Variants in MDGA2 observed in about 807,000 individuals in gnomAD.
The protein encoded by MDGA2 is MAM domain-containing glycosylphosphatidylinositol anchor protein 2.
In MDGA2, 40 loss-of-function variants were observed where a neutral mutation model predicts 117.8. The observed-to-expected ratio is 0.34, with a 90% CI of 0.26 to 0.44. The LOEUF (loss-of-function observed/expected upper bound fraction) is 0.44. MDGA2 is among the 20% of genes least tolerant of loss of function. MDGA2 has a pLI of 1.00. For synonymous variants in MDGA2, 452 were observed against 439.0 expected, an observed-to-expected ratio of 1.03 and a Z score of -0.37; for missense variants, 1,123 against 1,250.6, an observed-to-expected ratio of 0.90 and a Z score of 1.54.
chr14:46,891,798 G>T (rs1223418232), intron 10 of MDGA2, among the ~76,000 whole-genome samples: 1 of 150,726 alleles, frequency 6.6e-6, no homozygotes, highest in Admixed American at 6.6e-5. Context: ...CTTATTATTG[G>T]ATTTTTTTAA....
Position 47,096,955 on chromosome 14 carries a change from G to A in MDGA2, c.1094C>T (p.Thr365Ile), listed in dbSNP as rs1335759157. The A allele has an allele frequency of 1.9e-6, 3 of 1,613,144 alleles. No homozygotes were observed. The highest frequency in any genetic ancestry group is 2.5e-6 in the Non-Finnish European group (3 of 1,179,484). ...EKTVLNGGTL[T>I]IPAITSDDAG... ...ATCATCTGAGGTGATGGCAGGTATGGTCAAAGTTCCTCCATTCAAAACAGT... is the reference window on the plus strand; with the variant it reads ...ATCATCTGAGGTGATGGCAGGTATGATCAAAGTTCCTCCATTCAAAACAGT... The change falls in exon 6 of 17, where the codon ACC becomes ATC. Residue 365 changes from threonine to isoleucine, a missense_variant. By Grantham distance (89) the Thr-to-Ile change is moderately conservative. This residue lies in a region of MDGA2 where 890 missense variants were observed against 1,050.3 expected (regional missense o/e 0.85). Transcript: ENST00000399232.
chr14:46,943,988 ATAGATGTTTAT>A lies in MDGA2; in HGVS notation c.2089+13375_2089+13385del, dbSNP rs1885084501. On this transcript the variant is annotated intron_variant, in intron 9 of 16. Coordinates refer to ENST00000399232, the MANE Select transcript of MDGA2 (RefSeq NM_001113498.3). ...GCTGCTATTTGTTGACCCCATTTATATAGATGTTTATTAGGGAAATTGAAAGATAAAAGAAA... is the reference window on the plus strand; with the variant it reads ...GCTGCTATTTGTTGACCCCATTTATATAGGGAAATTGAAAGATAAAAGAAA... Among the ~76,000 whole-genome samples, 3 of 152,206 alleles carry A rather than the reference ATAGATGTTTAT, an allele frequency of 2.0e-5. No individual in the cohort carries two copies. In the South Asian group the frequency reaches 6.2e-4, roughly 31 times the overall value.
intron 1 of MDGA2, among the ~76,000 whole-genome samples, chr14:47,317,748 C>T (rs1594792260): frequency 6.6e-6 from 1 of 152,128 alleles, no homozygotes; most frequent in East Asian, 1.9e-4. Flanking sequence ...CCATTCTTAC[C>T]TGGAGAACAC....
chr14:46,950,427 G>A (rs1436591261), intron 9 of MDGA2, among the ~76,000 whole-genome samples: 1 of 151,948 alleles, frequency 6.6e-6, no homozygotes, highest in East Asian at 1.9e-4. Context: ...GAGATGATAA[G>A]GATATGTATG....
rs117008451 is a variant in MDGA2 at position 47,410,363 on chromosome 14, A to G, written c.281-108813T>C. Among the ~76,000 whole-genome samples the G allele has an allele frequency of 3.6e-4, 55 of 152,296 alleles. No individual in the cohort carries two copies. In the South Asian group the frequency reaches 6.4e-3, roughly 18 times the overall value. The stretch of plus-strand genomic sequence containing the variant: ...AAGCATGTTAAAAGTCATCTAAGGA[A>G]ACCAAGAAATCATTTATATCCTTTC... On this transcript the variant is annotated intron_variant, in intron 1 of 16. Coordinates refer to ENST00000399232, the MANE Select transcript of MDGA2 (RefSeq NM_001113498.3).
At chr14:46,966,625 T>C (rs1298954680) in intron 8 of MDGA2, among the ~76,000 whole-genome samples, 3 of 152,166 alleles carry the variant, frequency 2.0e-5, no homozygotes, top group African/African-American at 7.2e-5. Context: ...GTATTACCCA[T>C]ATATTATAAT....
Position 47,365,256 on chromosome 14 carries a change from C to T in MDGA2, c.281-63706G>A, listed in dbSNP as rs148656336. The stretch of plus-strand genomic sequence containing the variant: ...GAAGGAAGACATGCCTTTCTGAGCA[C>T]AGCTGGAAAATGTGCATCTTGGGGG... On this transcript the variant is annotated intron_variant, in intron 1 of 16. Coordinates refer to ENST00000399232, the MANE Select transcript of MDGA2 (RefSeq NM_001113498.3). Among the ~76,000 whole-genome samples the T allele has an allele frequency of 8.6e-3, 1,309 of 152,342 alleles. 13 individuals carry two copies. The highest frequency in any genetic ancestry group is 0.029 in the African/African-American group (1,226 of 41,582).
chr14:46,907,626 C>A (rs28713560), intron 10 of MDGA2, among the ~76,000 whole-genome samples: 1 of 152,030 alleles, frequency 6.6e-6, no homozygotes, highest in African/African-American at 2.4e-5. Flanking sequence ...ATGTGTTGCT[C>A]TCATTTCTTA....
chr14:47,023,205 A>AAAAAAAG (rs1888354242), intron 8 of MDGA2, among the ~76,000 whole-genome samples: 1 of 146,440 alleles, frequency 6.8e-6, no homozygotes, highest in Non-Finnish European at 1.5e-5. Context: ...TCGTAAAAAA[A>AAAAAAAG]AAAAAAAAAA....
At chr14:47,356,761 C>T (rs75800275) in intron 1 of MDGA2, among the ~76,000 whole-genome samples, 138 of 152,230 alleles carry the variant, frequency 9.1e-4, no homozygotes, top group African/African-American at 3.2e-3. Context: ...AAGAAGGTAA[C>T]GGAGGCAAGT....
intron 15 of MDGA2, among the ~76,000 whole-genome samples, chr14:46,847,956 A>T (rs1880907736): frequency 6.6e-6 from 1 of 151,986 alleles, no homozygotes; most frequent in South Asian, 2.1e-4. Context: ...TGTGTCCCTT[A>T]CCTGATAGAG....
At chr14:47,611,542 C>T (rs140542118) in intron 1 of MDGA2, among the ~76,000 whole-genome samples, 1 of 152,056 alleles carries the variant, frequency 6.6e-6, no homozygotes, top group East Asian at 1.9e-4. Flanking sequence ...GAAAAGTTGG[C>T]TAAGGACAAG....
At chr14:47,413,350 T>C (rs1289628160) in intron 1 of MDGA2, among the ~76,000 whole-genome samples, 1 of 152,202 alleles carries the variant, frequency 6.6e-6, no homozygotes, top group Non-Finnish European at 1.5e-5. Context: ...CTCTATTCTA[T>C]GTCTCATGCA....
chr14:47,575,362 T>C (rs541879198), intron 1 of MDGA2, among the ~76,000 whole-genome samples: 37 of 152,264 alleles, frequency 2.4e-4, no homozygotes, highest in African/African-American at 8.4e-4. Context: ...TCTGGTCCCA[T>C]TATCTAAATA....
chr14:47,273,286 T>C (rs948642532), intron 2 of MDGA2, among the ~76,000 whole-genome samples: 7 of 152,164 alleles, frequency 4.6e-5, no homozygotes, highest in African/African-American at 1.7e-4. Context: ...TCTGATATTA[T>C]TAATGAAGCC....
chr14:47,240,692 A>G (rs1446507233), intron 2 of MDGA2, among the ~76,000 whole-genome samples: 1 of 151,934 alleles, frequency 6.6e-6, no homozygotes, highest in Admixed American at 6.6e-5. Context: ...TGCATGTCTT[A>G]GAATATTGCA....
intron 8 of MDGA2, among the ~76,000 whole-genome samples, chr14:46,978,108 CA>C: frequency 6.6e-6 from 1 of 151,338 alleles, no homozygotes. Context: ...ATAGTTTCAA[CA>C]AAACAACAAA....
At chr14:47,214,473 G>A (rs1012648354) in intron 3 of MDGA2, among the ~76,000 whole-genome samples, 1 of 151,934 alleles carries the variant, frequency 6.6e-6, no homozygotes, top group Non-Finnish European at 1.5e-5. Flanking sequence ...TTTTCAAACT[G>A]TATTCTTGAT....
chr14:47,468,919 G>A (rs1233094131), intron 1 of MDGA2, among the ~76,000 whole-genome samples: 2 of 151,744 alleles, frequency 1.3e-5, no homozygotes, highest in Non-Finnish European at 2.9e-5. Flanking sequence ...CCATACTGAG[G>A]GCTGAAAATT....
Sources: gnomAD v4.1 joint callset for allele counts (sites outside exome capture counted in the v4.1 genomes callset) on GRCh38, gnomAD v4.1.1 for gene constraint, gnomAD v4.1.1 regional missense constraint, MANE v1.5 for transcripts, NCBI Gene and HGNC (gene_info 2026-07-23, HGNC 2026-07-21) for gene names.